The following MOCOS variants were observed in gnomAD, a reference collection of about 807,000 sequenced individuals.
MOCOS encodes the protein human molybdenum cofactor sulfurase.
In MOCOS, 86 loss-of-function variants were observed where a neutral mutation model predicts 83.6. The observed-to-expected ratio is 1.03, with a 90% CI of 0.86 to 1.23. The LOEUF is 1.23. Ranked by LOEUF, MOCOS falls within the 50% of genes most tolerant of loss-of-function variation. The pLI is 0.00. For missense variants in MOCOS, 1,120 were observed against 1,126.9 expected, an observed-to-expected ratio of 0.99 and a Z score of 0.09; for synonymous variants, 445 against 434.7, an observed-to-expected ratio of 1.02 and a Z score of -0.29.
intron 2 of MOCOS, among the ~76,000 whole-genome samples, chr18:36,198,384 A>G (rs1465399954): frequency 6.6e-6 from 1 of 152,206 alleles, no homozygotes; most frequent in East Asian, 1.9e-4. Flanking sequence ...GCAAGACAGA[A>G]CAAAAAACCA....
intron 1 of MOCOS, among the ~76,000 whole-genome samples, chr18:36,190,747 TCAAAAAAAA>T (rs1476375850): frequency 1.3e-5 from 2 of 151,290 alleles, no homozygotes; most frequent in Non-Finnish European, 2.9e-5. Context: ...AGACCCTGTC[TCAAAAAAAA>T]CAAAAAAACA....
intron 9 of MOCOS, among the ~76,000 whole-genome samples, chr18:36,235,160 T>G (rs2091553204): frequency 2.0e-5 from 3 of 151,638 alleles, no homozygotes; most frequent in Non-Finnish European, 1.5e-5. Context: ...ACTTTAAGTT[T>G]TAGGGTACAT....
At chr18:36,255,865 T>C (rs1175501351) in intron 11 of MOCOS, among the ~76,000 whole-genome samples, 1 of 150,318 alleles carries the variant, frequency 6.7e-6, no homozygotes, top group Non-Finnish European at 1.5e-5. Flanking sequence ...CTTTCAATAG[T>C]TTCGTCCCCC....
At chr18:36,211,404 G>C (rs1394063976) in intron 6 of MOCOS, among the ~76,000 whole-genome samples, 1 of 151,392 alleles carries the variant, frequency 6.6e-6, no homozygotes, top group Non-Finnish European at 1.5e-5. Context: ...AAGACTCTGT[G>C]AAATGGGGAT....
At chr18:36,238,324 G>A (rs1181961431) in intron 9 of MOCOS, among the ~76,000 whole-genome samples, 2 of 151,148 alleles carry the variant, frequency 1.3e-5, no homozygotes, top group Non-Finnish European at 3.0e-5. Flanking sequence ...AGAGATGCTG[G>A]TATGTTGTGT....
At chr18:36,242,197 A>G (rs2091586397) in intron 9 of MOCOS, among the ~76,000 whole-genome samples, 1 of 152,118 alleles carries the variant, frequency 6.6e-6, no homozygotes, top group South Asian at 2.1e-4. Context: ...TTTTAAATAT[A>G]AGTTCCAATT....
intron 9 of MOCOS, among the ~76,000 whole-genome samples, chr18:36,225,331 T>G (rs566093688): frequency 7.2e-5 from 11 of 152,194 alleles, no homozygotes; most frequent in African/African-American, 2.6e-4. Context: ...TTTGTACTTT[T>G]TGTAGAGAGA....
chr18:36,187,760 G>T (rs1232917537), intron 1 of MOCOS, 79 bp downstream of exon 1: 1 of 1,232,004 alleles, frequency 8.1e-7, no homozygotes, highest in South Asian at 4.1e-5. Context: ...TAGTGAGAGC[G>T]GCGCTACCTC....
At chr18:36,197,432 T>C (rs2091393168) in intron 2 of MOCOS, among the ~76,000 whole-genome samples, 2 of 137,198 alleles carry the variant, frequency 1.5e-5, no homozygotes, top group African/African-American at 5.5e-5. Context: ...TCACATTTGG[T>C]TTTACTAGTG....
At chr18:36,263,568 A>G (rs763237499) in intron 13 of MOCOS, among the ~76,000 whole-genome samples, 6 of 152,158 alleles carry the variant, frequency 3.9e-5, no homozygotes, top group Admixed American at 1.3e-4. Flanking sequence ...AGGTGCACAT[A>G]CACAGTTGTA....
In MOCOS at chr18:36,200,029, A is replaced by G. The variant is rs1180303122; in HGVS notation, c.646A>G (p.Ile216Val). 10 of 1,614,212 alleles carry G rather than the reference A, an allele frequency of 6.2e-6. No individual in the cohort carries two copies. ...FSGVRYPLSWIEEVKSGRLHP... is the reference protein window; with the variant it reads ...FSGVRYPLSWVEEVKSGRLHP... ...TGGAGTCAGATACCCCCTGTCCTGG[A>G]TAGAAGAGGTCAAGTCTGGGCGGTT... Residue 216 changes from isoleucine (I) to valine (V), a missense_variant, in exon 4 of 15, where the codon ATA becomes GTA. Ile to Val is a conservative substitution (Grantham distance 29, BLOSUM62 3). Coordinates refer to ENST00000261326, the MANE Select transcript of MOCOS (RefSeq NM_017947.4).
intron 6 of MOCOS, 124 bp from the exon 7 acceptor site, chr18:36,213,242 G>A (rs2091461849): frequency 1.3e-6 from 1 of 787,178 alleles, no homozygotes; most frequent in Admixed American, 2.0e-5. Flanking sequence ...CATTTTAGAG[G>A]ACAATTCCAG....
intron 12 of MOCOS, among the ~76,000 whole-genome samples, chr18:36,257,836 C>T (rs1259366672): frequency 2.6e-5 from 4 of 152,150 alleles, no homozygotes; most frequent in Non-Finnish European, 4.4e-5. Flanking sequence ...TCTTGCACCA[C>T]GTGGTCAAGT....
chr18:36,261,037 C>T (rs1433844995), intron 13 of MOCOS, among the ~76,000 whole-genome samples: 3 of 152,070 alleles, frequency 2.0e-5, no homozygotes, highest in Non-Finnish European at 2.9e-5. Flanking sequence ...CTGTTTTATT[C>T]CCTGCTGTAC....
intron 13 of MOCOS, among the ~76,000 whole-genome samples, chr18:36,265,218 G>A (rs994697848): frequency 7.9e-5 from 12 of 152,142 alleles, no homozygotes; most frequent in African/African-American, 2.4e-4. Flanking sequence ...CTAGAAATAC[G>A]TGCATACATG....
chr18:36,245,299 A>G (rs1555655078), intron 9 of MOCOS, among the ~76,000 whole-genome samples: 2 of 151,480 alleles, frequency 1.3e-5, no homozygotes, highest in Non-Finnish European at 2.9e-5. Context: ...TTCTTTTACC[A>G]TTTTTTTTGT....
At chr18:36,250,130 A>G (rs1424314848) in intron 10 of MOCOS, among the ~76,000 whole-genome samples, 1 of 152,134 alleles carries the variant, frequency 6.6e-6, no homozygotes, top group African/African-American at 2.4e-5. Context: ...GCCCCAACCA[A>G]TTCCCCTTTC....
At chr18:36,237,188 A>G (rs2144938846) in intron 9 of MOCOS, among the ~76,000 whole-genome samples, 1 of 145,440 alleles carries the variant, frequency 6.9e-6, no homozygotes, top group Non-Finnish European at 1.5e-5. Context: ...GAGTGGTGAG[A>G]GAGGGCATCC....
chr18:36,267,094 G>A (rs1276307271), intron 14 of MOCOS, among the ~76,000 whole-genome samples: 1 of 151,880 alleles, frequency 6.6e-6, no homozygotes, highest in African/African-American at 2.4e-5. Context: ...TCTTGTTGAA[G>A]AGATATGGAG....
Sources: allele counts gnomAD v4.1 joint callset (sites outside exome capture counted in the v4.1 genomes callset), GRCh38; gene constraint gnomAD v4.1.1; transcripts MANE v1.5; gene names NCBI Gene and HGNC (gene_info 2026-07-23, HGNC 2026-07-21).